Variants in KNDC1 observed in about 807,000 individuals in gnomAD.
KNDC1 encodes the protein kinase non-catalytic C-lobe domain containing 1.
Under a neutral mutation model 172.8 loss-of-function variants are expected in KNDC1, and 106 were observed. The ratio of observed to expected loss-of-function variants is 0.61; its 90% CI spans 0.52 to 0.72. The LOEUF is 0.72. Among genes scored for constraint, KNDC1 ranks in the 30% least tolerant of loss-of-function variants. The pLI is 0.00. For synonymous variants in KNDC1, 1,083 were observed against 1,062.2 expected (o/e 1.02, Z -0.38); for missense variants, 2,325 against 2,394.5 (o/e 0.97, Z 0.61).
chr10:133,165,661 A>C (rs1163801005), intron 1 of KNDC1, among the ~76,000 whole-genome samples: 1 of 152,142 alleles, frequency 6.6e-6, no homozygotes, highest in Non-Finnish European at 1.5e-5. Context: ...GAGTGTGTAC[A>C]TATGTGTGCG....
chr10:133,217,226 A>G (rs2136030222), intron 26 of KNDC1, among the ~76,000 whole-genome samples: 1 of 152,408 alleles, frequency 6.6e-6, no homozygotes. Flanking sequence ...AGTGTGGCGA[A>G]ATAGTTTTAT....
chr10:133,181,861 C>T (rs4993017), intron 3 of KNDC1, among the ~76,000 whole-genome samples: 2 of 151,404 alleles, frequency 1.3e-5, no homozygotes, highest in African/African-American at 4.8e-5. Flanking sequence ...CACACACACA[C>T]CAGACTGTGG....
At chr10:133,177,663 TGTG>T (rs137872702) in intron 3 of KNDC1, among the ~76,000 whole-genome samples, 4,020 of 152,218 alleles carry the variant, frequency 0.026, 57 homozygotes, top group Middle Eastern at 0.034. Context: ...TGTACATGCA[TGTG>T]GTGTGTATAT....
At chr10:133,166,966 G>A (rs1409890526) in intron 1 of KNDC1, among the ~76,000 whole-genome samples, 1 of 152,182 alleles carries the variant, frequency 6.6e-6, no homozygotes, top group East Asian at 1.9e-4. Context: ...CGCCCCGTTA[G>A]CTCTGCACGA....
rs79386055 is a variant in KNDC1, at chr10:133,199,285, C to T, written c.2758+19C>T. On this transcript the variant is annotated intron_variant, in intron 14 of 29. Transcript: ENST00000304613. ...ATCATGGGTACGTGGGGGCCGCAGACGCCCCAGAGGAGGCCCGGGCCAGGG... is the reference window on the plus strand; with the variant it reads ...ATCATGGGTACGTGGGGGCCGCAGATGCCCCAGAGGAGGCCCGGGCCAGGG... 0.016 allele frequency: 25,290 copies of T among 1,543,586 alleles called. 256 individuals carry two copies. Among genetic ancestry groups the T allele is most frequent in the South Asian group, 0.025 (2,049 of 81,188 alleles).
intron 16 of KNDC1, 96 bp from the exon 17 acceptor site, chr10:133,201,405 C>G (rs975952408): frequency 4.5e-6 from 6 of 1,331,040 alleles, no homozygotes; most frequent in Non-Finnish European, 6.2e-6. Flanking sequence ...AGAAGGGCGT[C>G]GGGTGTGCAA....
intron 10 of KNDC1, 49 bp downstream of exon 10, chr10:133,195,870 GCA>G (rs1317014274): frequency 1.4e-6 from 2 of 1,434,282 alleles, no homozygotes; most frequent in African/African-American, 2.9e-5. Context: ...AGGACTGTGG[GCA>G]GTGGCCGCCC....
rs1354661733 is a variant in KNDC1, at chr10:133,222,224, A to G, written c.5018+2112A>G. ...CGTGAACCCGGGAGGCGGAGCTTCC[A>G]GTGAGCCGAGATCGCGCCACCGCAC... On this transcript the variant is annotated intron_variant, in intron 29 of 29. Coordinates refer to ENST00000304613, the MANE Select transcript of KNDC1 (RefSeq NM_152643.8). Among the ~76,000 whole-genome samples, 18 of 147,582 alleles carry G rather than the reference A, an allele frequency of 1.2e-4. 1 individual carries two copies. Among genetic ancestry groups the G allele is most frequent in the Non-Finnish European group, 1.5e-4 (10 of 66,766 alleles).
rs373622546 is a variant in KNDC1 at position 133,196,211 on chromosome 10, C to G, written c.1734+390C>G. ...AGAGAGGCCTCCACACCTCACCCCC[C>G]ACCCCGAACCCCCACCTCCTCTGAG... On this transcript the variant is annotated intron_variant, in intron 10 of 29. Coordinates refer to ENST00000304613, the MANE Select transcript of KNDC1 (RefSeq NM_152643.8). Among the ~76,000 whole-genome samples, 4 of 151,832 alleles carry G rather than the reference C, an allele frequency of 2.6e-5. No homozygotes were observed. The East Asian group carries it at 7.8e-4, about 30-fold the overall frequency.
intron 4 of KNDC1, 123 bp downstream of exon 4, chr10:133,183,613 C>A: frequency 1.7e-6 from 2 of 1,168,018 alleles, no homozygotes; most frequent in Non-Finnish European, 2.3e-6. Flanking sequence ...AGTCTCATGG[C>A]ATGGCATTTT....
chr10:133,220,141 C>G (rs1327926865), intron 29 of KNDC1, 29 bp downstream of exon 29: 3 of 1,504,714 alleles, frequency 2.0e-6, no homozygotes, highest in South Asian at 2.4e-5. Context: ...GGCCGCGCGC[C>G]CAGGAGAGGA....
intron 11 of KNDC1, 48 bp downstream of exon 11, chr10:133,197,183 C>A: frequency 2.0e-6 from 3 of 1,469,568 alleles, no homozygotes; most frequent in Non-Finnish European, 2.8e-6. Flanking sequence ...CGCTTAGCTT[C>A]CTCCCTCCTG....
chr10:133,209,029 T>G lies in KNDC1; in HGVS notation c.3795-1582T>G, dbSNP rs188942354. ...GTGGGATATCGTGTGGTGTAGTAGGTACGTGTGCGGTTGTGAGGTATAGTG... is the reference window on the plus strand; with the variant it reads ...GTGGGATATCGTGTGGTGTAGTAGGGACGTGTGCGGTTGTGAGGTATAGTG... On this transcript the variant is annotated intron_variant, in intron 20 of 29. Transcript: ENST00000304613. The surrounding 1 kb of genome is among the most constrained non-coding windows in gnomAD (Gnocchi z 4.9). Among the ~76,000 whole-genome samples, 3,026 of 148,728 alleles carry G rather than the reference T, an allele frequency of 0.02. 56 individuals carry two copies. The highest frequency in any genetic ancestry group is 0.089 in the South Asian group (416 of 4,654).
intron 24 of KNDC1, 112 bp from the exon 25 acceptor site, chr10:133,213,533 G>A: frequency 1.2e-6 from 1 of 849,396 alleles, no homozygotes; most frequent in Non-Finnish European, 1.9e-6. Flanking sequence ...TATTGAACCT[G>A]GGATTGCAGA....
chr10:133,168,028 C>T (rs1352025244), intron 2 of KNDC1, among the ~76,000 whole-genome samples: 1 of 152,244 alleles, frequency 6.6e-6, no homozygotes, highest in Non-Finnish European at 1.5e-5. Context: ...CAGCTTCCTT[C>T]TTGGGAAAGT....
Position 133,201,543 on chromosome 10 carries a change from C to G in KNDC1, c.3032C>G (p.Pro1011Arg), listed in dbSNP as rs1854365836. 9 of 1,611,178 alleles carry G rather than the reference C, an allele frequency of 5.6e-6. No individual in the cohort carries two copies. The highest frequency in any genetic ancestry group is 2.2e-5 in the East Asian group (1 of 44,874). The change falls in exon 17 of 30, where the codon CCC becomes CGC. Residue 1011 changes from proline (P) to arginine (R), a missense_variant. By Grantham distance (103) the Pro-to-Arg change is moderately radical. Transcript: ENST00000304613. ...ATGGCCAGGACCAGCAGCAGGGCCC[C>G]CTGCTCACCCACCTCGGTGTCGGAT... is the stretch of plus-strand genomic sequence containing the variant. ...PAMARTSSRA[P>R]CSPTSVSDVD...
At chr10:133,202,192 C>T (rs758307247) in intron 17 of KNDC1, 15 of 672,488 alleles carry the variant, frequency 2.2e-5, no homozygotes, top group South Asian at 2.1e-4. Context: ...CAGGAGGCCC[C>T]TCCATGCTCG....
rs754313442 is a variant in KNDC1, at chr10:133,167,598, TGGCGGCGGC to T, written c.301+25_301+33del. 9.5e-5 allele frequency: 148 copies of T among 1,558,828 alleles called. No homozygotes were observed. Among genetic ancestry groups the T allele is most frequent in the Non-Finnish European group, 1.3e-4 (147 of 1,151,680 alleles). On this transcript the variant is annotated intron_variant, in intron 2 of 29. Coordinates refer to ENST00000304613, the MANE Select transcript of KNDC1 (RefSeq NM_152643.8). The stretch of plus-strand genomic sequence containing the variant: ...CTCAGCGGTGAGGCGGCGGTGGCGG[TGGCGGCGGC>T]GGCGGGCACGCGGGGTGGAGGTGCC...
chr10:133,208,524 G>A (rs143412557), intron 20 of KNDC1, among the ~76,000 whole-genome samples: 3 of 31,876 alleles, frequency 9.4e-5, no homozygotes, highest in Non-Finnish European at 1.3e-4. Context: ...ACCCTCTAGA[G>A]AGGGACGTGG....
Sources: gnomAD v4.1 joint callset for allele counts (sites outside exome capture counted in the v4.1 genomes callset) on GRCh38, gnomAD v4.1.1 for gene constraint, Gnocchi (gnomAD v3.1) non-coding constraint, MANE v1.5 for transcripts, NCBI Gene and HGNC (gene_info 2026-07-23, HGNC 2026-07-21) for gene names.